NTHL1: variants seen among roughly 807,000 people sequenced by gnomAD.
The protein encoded by NTHL1 is endonuclease III-like protein 1.
Under a neutral mutation model 32.3 loss-of-function variants are expected in NTHL1, and 32 were observed. That is an observed-to-expected ratio of 0.99 (90% CI 0.75 to 1.33). NTHL1 has a LOEUF of 1.33. NTHL1 is among the 40% of genes most tolerant of loss of function. The pLI, the probability that NTHL1 is intolerant of heterozygous loss-of-function variation, is 0.00. For synonymous variants in NTHL1, 188 were observed against 176.9 expected (o/e 1.06, Z -0.50); for missense variants, 501 against 414.1 (o/e 1.21, Z -1.82).
Position 2,046,249 on chromosome 16 carries a change from AC to A in NTHL1, c.232del (p.Val78SerfsTer17), listed in dbSNP as rs1314290585. ...GEGAEPLKVP[V>X]WEPQDWQQQL... ...TTGCTGCCAGTCCTGGGGCTCCCAG[AC>A]TGGCACCTTGAGGGGCTCAGCCCCC... On this transcript the variant is annotated frameshift_variant, in exon 2 of 6. Transcript: ENST00000651570. LOFTEE classifies it high-confidence loss of function. The A allele has an allele frequency of 1.9e-6, 3 of 1,613,226 alleles. No individual in the cohort carries two copies. The highest frequency in any genetic ancestry group is 2.5e-6 in the Non-Finnish European group (3 of 1,180,000).
rs868861389 is a variant in NTHL1 at position 2,043,251 on chromosome 16, C to T, written c.685+316G>A. On this transcript the variant is annotated intron_variant, in intron 4 of 5. Transcript: ENST00000651570. This position sits in a 1 kb window ranked among gnomAD's most constrained non-coding sequence, Gnocchi z 4.4. Reference sequence around the variant, plus strand: ...CAAGCCAGGCCCCAAGAGCACCCTGCACAACCATCAGGGTTTCCACTCCAC... The same window carrying T: ...CAAGCCAGGCCCCAAGAGCACCCTGTACAACCATCAGGGTTTCCACTCCAC... 1.2e-4 allele frequency among the ~76,000 whole-genome samples: 19 copies of T among 152,018 alleles called. No homozygotes were observed. The highest frequency in any genetic ancestry group is 4.6e-4 in the African/African-American group (19 of 41,504).
At position 2,044,127 on chromosome 16, in the gene NTHL1, G is replaced by C; in HGVS notation, c.526-401C>G. Reference sequence around the variant, plus strand: ...GCCTGCCGGGTGGTTCCCATCCTGTGCCTGAGTGGAGAGGGCTATTTAAAA... The same window carrying C: ...GCCTGCCGGGTGGTTCCCATCCTGTCCCTGAGTGGAGAGGGCTATTTAAAA... On this transcript the variant is annotated intron_variant, in intron 3 of 5. Coordinates refer to ENST00000651570, the MANE Select transcript of NTHL1 (RefSeq NM_002528.7). This position sits in a 1 kb window ranked among gnomAD's most constrained non-coding sequence, Gnocchi z 5.0. 1 of 355,328 alleles carries C rather than the reference G, an allele frequency of 2.8e-6. No individual in the cohort carries two copies. Among genetic ancestry groups the C allele is most frequent in the Non-Finnish European group, 5.4e-6 (1 of 185,724 alleles). The allele number at this position is 355,328 out of a possible 1,614,324, so 22.0% of individuals were successfully genotyped here.
In NTHL1 at chr16:2,040,067, G is replaced by C. The variant is rs570374045; in HGVS notation, c.792-20C>G. 6.2e-7 allele frequency: 1 copy of C among 1,612,630 alleles called. No individual in the cohort carries two copies. Among genetic ancestry groups the C allele is most frequent in the Non-Finnish European group, 8.5e-7 (1 of 1,179,998 alleles). ...AGCTCCCTGTGGGGGTGGGGGCTGGGTCAGTGCTGACAGAGGGCGGGCGGG... is the reference window on the plus strand; with the variant it reads ...AGCTCCCTGTGGGGGTGGGGGCTGGCTCAGTGCTGACAGAGGGCGGGCGGG... On this transcript the variant is annotated intron_variant, in intron 5 of 5. Transcript: ENST00000651570.
In NTHL1 at chr16:2,044,791, A is replaced by G. The variant is rs1162307066; in HGVS notation, c.364T>C (p.Tyr122His). Reference sequence around the variant, plus strand: ...AGCATCAGTGACAGCAGCACCTGGTACCTGCGTACCTGCTTGTGCAGTGAC... The same window carrying G: ...AGCATCAGTGACAGCAGCACCTGGTGCCTGCGTACCTGCTTGTGCAGTGAC... Reference protein sequence around the residue: ...DSSAPPKVRRYQVLLSLMLSS... With the variant: ...DSSAPPKVRRHQVLLSLMLSS... Residue 122 changes from tyrosine to histidine, a missense_variant, in exon 3 of 6, where the codon TAC becomes CAC. Transcript: ENST00000651570. The surrounding 1 kb of genome is among the most constrained non-coding windows in gnomAD (Gnocchi z 5.0). 6.2e-7 allele frequency: 1 copy of G among 1,604,166 alleles called. No individual in the cohort carries two copies. The highest frequency in any genetic ancestry group is 1.3e-5 in the African/African-American group (1 of 74,734).
intron 4 of NTHL1, among the ~76,000 whole-genome samples, chr16:2,040,800 C>T (rs905313813): frequency 6.6e-6 from 1 of 152,188 alleles, no homozygotes; most frequent in South Asian, 2.1e-4. Flanking sequence ...ATCCAGGCTT[C>T]CCTCTGTCTG....
chr16:2,044,778 A>T lies in NTHL1; in HGVS notation c.377T>A (p.Leu126Gln), dbSNP rs1366983655. 3 of 1,610,108 alleles carry T rather than the reference A, an allele frequency of 1.9e-6. No homozygotes were observed. Among genetic ancestry groups the T allele is most frequent in the Non-Finnish European group, 2.5e-6 (3 of 1,178,408 alleles). Reference protein sequence around the residue: ...PPKVRRYQVLLSLMLSSQTKD... With the variant: ...PPKVRRYQVLQSLMLSSQTKD... ...GGTTTGGCTGGAGAGCATCAGTGAC[A>T]GCAGCACCTGGTACCTGCGTACCTG... The change falls in exon 3 of 6, where the codon CTG (leucine) becomes CAG (glutamine). Residue 126 changes from leucine (L) to glutamine (Q), a missense_variant. By Grantham distance (113) the Leu-to-Gln change is moderately radical. Transcript: ENST00000651570. This position sits in a 1 kb window ranked among gnomAD's most constrained non-coding sequence, Gnocchi z 5.0.
chr16:2,040,961 G>C (rs1418318552), intron 4 of NTHL1, among the ~76,000 whole-genome samples: 2 of 152,210 alleles, frequency 1.3e-5, no homozygotes, highest in African/African-American at 4.8e-5. Flanking sequence ...GCGGGAGCAT[G>C]CCCTGGCCGG....
At chr16:2,045,112 G>A (rs932134967) in intron 2 of NTHL1, among the ~76,000 whole-genome samples, 4 of 152,160 alleles carry the variant, frequency 2.6e-5, no homozygotes, top group African/African-American at 4.8e-5. Flanking sequence ...CAAGGCAGGC[G>A]GATCACCTGA....
intron 4 of NTHL1, 144 bp from the exon 5 acceptor site, chr16:2,040,382 A>G (rs2084248281): frequency 2.6e-6 from 2 of 780,524 alleles, no homozygotes; most frequent in East Asian, 5.2e-5. Context: ...GCAAGCCTAC[A>G]TGTGACCATC....
At position 2,043,903 on chromosome 16, in the gene NTHL1, A is replaced by G; in HGVS notation, c.526-177T>C. On this transcript the variant is annotated intron_variant, in intron 3 of 5. Transcript: ENST00000651570. This position sits in a 1 kb window ranked among gnomAD's most constrained non-coding sequence, Gnocchi z 4.4. ...AAGCGGAGGGCAGCAGGGAGGCCCA[A>G]GGTAGGCCTGACCCCCTCCTCCCAC... The G allele has an allele frequency of 1.0e-5, 7 of 688,256 alleles. No homozygotes were observed. In the South Asian group the frequency reaches 1.0e-4, roughly 10 times the overall value. The allele number at this position is 688,256 out of a possible 1,614,324, so 42.6% of individuals were successfully genotyped here.
rs145366761 is a variant in NTHL1, at chr16:2,044,711, C to T, written c.444G>A (p.Ala148=). Residue 148 remains alanine, a synonymous_variant, in exon 3 of 6, where the codon GCG becomes GCA. Transcript: ENST00000651570. The surrounding 1 kb of genome is among the most constrained non-coding windows in gnomAD (Gnocchi z 5.0). The part of the protein sequence containing the change: ...VTAGAMQRLR[A]RGLTVDSILQ... ...GGATGCTGTCCACCGTCAGGCCCCG[C>T]GCCCGCAGTCGCTGCATGGCGCCCG... 46 of 1,612,262 alleles carry T rather than the reference C, an allele frequency of 2.9e-5. No individual in the cohort carries two copies. Among genetic ancestry groups the T allele is most frequent in the Non-Finnish European group, 3.1e-5 (37 of 1,179,864 alleles).
Position 2,044,943 on chromosome 16 carries a change from G to A in NTHL1, c.355-143C>T. ...TCAGCCTCCCCCTGTGGGGTGGGGA[G>A]GTCTGGTTTGGGTATGTTTGGTCAT... On this transcript the variant is annotated intron_variant, in intron 2 of 5. Coordinates refer to ENST00000651570, the MANE Select transcript of NTHL1 (RefSeq NM_002528.7). The surrounding 1 kb of genome is among the most constrained non-coding windows in gnomAD (Gnocchi z 5.0). 1.1e-6 allele frequency: 1 copy of A among 895,876 alleles called. No homozygotes were observed. Among genetic ancestry groups the A allele is most frequent in the Middle Eastern group, 3.3e-4 (1 of 2,994 alleles). The allele number at this position is 895,876 out of a possible 1,614,324, so 55.5% of individuals were successfully genotyped here.
chr16:2,043,631 C>T lies in NTHL1; in HGVS notation c.621G>A (p.Pro207=), dbSNP rs745383145. 9.9e-6 allele frequency: 16 copies of T among 1,611,202 alleles called. No individual in the cohort carries two copies. Among genetic ancestry groups the T allele is most frequent in the East Asian group, 4.5e-5 (2 of 44,884 alleles). ...PASVAELVAL[P]GVGPKMAHLA... ...GGTGTGCCATCTTGGGCCCAACACC[C>T]GGCAGCGCCACCAGCTCGGCCACAG... Residue 207 remains proline (P), a synonymous_variant, in exon 4 of 6, where the codon CCG becomes CCA. Transcript: ENST00000651570. The surrounding 1 kb of genome is among the most constrained non-coding windows in gnomAD (Gnocchi z 4.4).
rs112291182 is a variant in NTHL1, at chr16:2,039,845, A to G, written c.*79T>C. ...TGCAAACACACCAAAGCTTTATTCA[A>G]CAGGCGTGGCTTCCTGAAGCGTAAA... On this transcript the variant is annotated 3_prime_UTR_variant, in exon 6 of 6. Coordinates refer to ENST00000651570, the MANE Select transcript of NTHL1 (RefSeq NM_002528.7). The G allele has an allele frequency of 2.5e-4, 389 of 1,584,226 alleles. No homozygotes were observed. The African/African-American group carries it at 4.5e-3, about 19-fold the overall frequency.
chr16:2,042,508 C>T (rs1033507562), intron 4 of NTHL1, among the ~76,000 whole-genome samples: 4 of 152,196 alleles, frequency 2.6e-5, no homozygotes, highest in Non-Finnish European at 4.4e-5. Flanking sequence ...GCAAGCCCCC[C>T]GCCTCCGGCA....
rs2150942053 is a variant in NTHL1 at position 2,044,523 on chromosome 16, T to G, written c.525+107A>C. 4.1e-4 allele frequency: 591 copies of G among 1,451,312 alleles called. No homozygotes were observed. The highest frequency in any genetic ancestry group is 5.1e-4 in the Non-Finnish European group (537 of 1,051,112). The allele number at this position is 1,451,312 out of a possible 1,614,324, so 89.9% of individuals were successfully genotyped here. A position where few individuals can be genotyped will look rare whatever the true frequency, so the allele number is the denominator to read the frequency against. On this transcript the variant is annotated intron_variant, in intron 3 of 5. Transcript: ENST00000651570. The surrounding 1 kb of genome is among the most constrained non-coding windows in gnomAD (Gnocchi z 5.0). ...GGGCTTCAGGGGGACCCCCCGAGCC[T>G]GAGATGCTTGACCCTCACTTCCTGC...
In NTHL1 at chr16:2,047,739, C is replaced by T. The variant is rs1161055704; in HGVS notation, c.85G>A (p.Gly29Arg). ...GCAGCCTCTCTTCTCCGGAGAGGCC[C>T]GGGCTCCTCCCTACACCCCCGCGGC... ...AGPRGCREEPGPLRRREAAAE... is the reference protein window; with the variant it reads ...AGPRGCREEPRPLRRREAAAE... Residue 29 changes from glycine to arginine, a missense_variant, in exon 1 of 6, where the codon GGG becomes AGG. Physicochemically the swap from Gly to Arg is moderately radical, Grantham distance 125. Coordinates refer to ENST00000651570, the MANE Select transcript of NTHL1 (RefSeq NM_002528.7). The T allele has an allele frequency of 1.2e-5, 19 of 1,584,846 alleles. No individual in the cohort carries two copies. In the African/African-American group the frequency reaches 1.7e-4, roughly 15 times the overall value.
intron 4 of NTHL1, chr16:2,042,087 C>T (rs750587212): frequency 1.1e-4 from 52 of 455,964 alleles, no homozygotes; most frequent in South Asian, 5.6e-4. Flanking sequence ...GTTTCTCTTT[C>T]GGGGAACCCC....
At chr16:2,042,667 C>T (rs867385439) in intron 4 of NTHL1, among the ~76,000 whole-genome samples, 1 of 152,140 alleles carries the variant, frequency 6.6e-6, no homozygotes, top group South Asian at 2.1e-4. Flanking sequence ...GAGGCAGCCC[C>T]ACCCCAAACC....
Sources: allele counts gnomAD v4.1 joint callset (sites outside exome capture counted in the v4.1 genomes callset), GRCh38; gene constraint gnomAD v4.1.1; non-coding constraint Gnocchi (gnomAD v3.1); transcripts MANE v1.5; gene names NCBI Gene and HGNC (gene_info 2026-07-23, HGNC 2026-07-21).